The following SAMMSON variants were observed in gnomAD, a reference collection of about 807,000 sequenced individuals.
The protein encoded by SAMMSON is long intergenic non-protein coding RNA 1212.
chr3:70,015,949 A>C (rs908275522), intron 3 of SAMMSON, among the ~76,000 whole-genome samples: 88 of 152,220 alleles, frequency 5.8e-4, no homozygotes, highest in African/African-American at 1.8e-3. Context: ...ACATTTTCTT[A>C]ATCCAGTCTG....
At chr3:70,227,042 A>T (rs998098962) in intron 4 of SAMMSON, among the ~76,000 whole-genome samples, 2 of 152,190 alleles carry the variant, frequency 1.3e-5, no homozygotes, top group Non-Finnish European at 2.9e-5. Context: ...CTGGGAAAAT[A>T]TACCATATGC....
chr3:70,359,329 A>C (rs1702854034), intron 9 of SAMMSON, among the ~76,000 whole-genome samples: 1 of 152,204 alleles, frequency 6.6e-6, no homozygotes. Flanking sequence ...GCTGTGGTCA[A>C]GTGTTGATTT....
At chr3:70,166,256 G>A (rs62254818) in intron 4 of SAMMSON, among the ~76,000 whole-genome samples, 141,842 of 151,966 alleles carry the variant, frequency 0.93, 66,456 homozygotes, top group Non-Finnish European at 0.97. Flanking sequence ...AAATGTCCTG[G>A]TTATTAGAGT....
intron 3 of SAMMSON, among the ~76,000 whole-genome samples, chr3:70,034,037 A>C (rs777750465): frequency 2.6e-5 from 4 of 152,058 alleles, no homozygotes; most frequent in Non-Finnish European, 5.9e-5. Flanking sequence ...AGGGAGAAAA[A>C]ATGGAGCTAG....
intron 4 of SAMMSON, among the ~76,000 whole-genome samples, chr3:70,211,445 C>T (rs1271588550): frequency 8.5e-6 from 1 of 117,968 alleles, no homozygotes; most frequent in African/African-American, 3.2e-5. Context: ...CCTTCCCTTC[C>T]TTTCCCTTCC....
At chr3:70,102,453 A>T (rs1198227498) in intron 4 of SAMMSON, among the ~76,000 whole-genome samples, 3 of 152,122 alleles carry the variant, frequency 2.0e-5, no homozygotes, top group Non-Finnish European at 4.4e-5. Flanking sequence ...TTTTCTAGGG[A>T]CGTCTGGGAT....
chr3:70,201,536 CCT>C (rs1701239480), intron 4 of SAMMSON, among the ~76,000 whole-genome samples: 1 of 152,102 alleles, frequency 6.6e-6, no homozygotes, highest in South Asian at 2.1e-4. Context: ...TCCAGATCAC[CCT>C]GAGTTGAGTA....
intron 4 of SAMMSON, among the ~76,000 whole-genome samples, chr3:70,245,687 A>ATT (rs1701700285): frequency 7.5e-6 from 1 of 132,598 alleles, no homozygotes; most frequent in African/African-American, 2.8e-5. Context: ...ATATATATAT[A>ATT]TATATATATA....
At chr3:70,033,772 G>C (rs2107584490) in intron 3 of SAMMSON, among the ~76,000 whole-genome samples, 1 of 152,206 alleles carries the variant, frequency 6.6e-6, no homozygotes, top group African/African-American at 2.4e-5. Context: ...AATGGATTTG[G>C]GGACTACATG....
intron 3 of SAMMSON, among the ~76,000 whole-genome samples, chr3:70,036,654 C>G (rs907560063): frequency 1.3e-5 from 2 of 152,090 alleles, no homozygotes; most frequent in Non-Finnish European, 2.9e-5. Flanking sequence ...TGTGGGAGAA[C>G]CTGTCTCATA....
At chr3:70,370,908 A>C (rs1182234927) in intron 9 of SAMMSON, among the ~76,000 whole-genome samples, 2 of 151,934 alleles carry the variant, frequency 1.3e-5, no homozygotes, top group African/African-American at 2.4e-5. Context: ...TGCTCAGGGG[A>C]GTTTTCCCTA....
intron 3 of SAMMSON, among the ~76,000 whole-genome samples, chr3:70,067,933 C>T (rs1317639060): frequency 6.6e-6 from 1 of 151,946 alleles, no homozygotes; most frequent in East Asian, 1.9e-4. Flanking sequence ...TTTAAAATAA[C>T]CAACATGGAA....
chr3:70,088,005 G>A (rs975405091), intron 4 of SAMMSON, among the ~76,000 whole-genome samples: 14 of 152,242 alleles, frequency 9.2e-5, no homozygotes, highest in Admixed American at 5.9e-4. Flanking sequence ...GGAGAGCATT[G>A]CTTAAGGTGT....
At chr3:70,272,937 G>A (rs1352902043) in intron 6 of SAMMSON, among the ~76,000 whole-genome samples, 1 of 152,176 alleles carries the variant, frequency 6.6e-6, no homozygotes, top group East Asian at 1.9e-4. Flanking sequence ...AAAACCCTGA[G>A]GAGTCATTTA....
At chr3:70,223,569 G>T (rs1395888765) in intron 4 of SAMMSON, among the ~76,000 whole-genome samples, 1 of 152,140 alleles carries the variant, frequency 6.6e-6, no homozygotes, top group Non-Finnish European at 1.5e-5. Context: ...CACCAAAAAT[G>T]AGAACTTGAT....
intron 4 of SAMMSON, among the ~76,000 whole-genome samples, chr3:70,097,273 C>T (rs1251324488): frequency 6.6e-6 from 1 of 152,090 alleles, no homozygotes; most frequent in Non-Finnish European, 1.5e-5. Context: ...AGATGTGGGC[C>T]CTAGATGGCA....
intron 6 of SAMMSON, among the ~76,000 whole-genome samples, chr3:70,277,497 C>T (rs1041332572): frequency 2.0e-5 from 3 of 152,086 alleles, no homozygotes; most frequent in Non-Finnish European, 2.9e-5. Flanking sequence ...TTAGAATAAG[C>T]CATAAAAGCT....
At chr3:70,126,339 T>C (rs2067458905) in intron 4 of SAMMSON, 1 of 1,190,152 alleles carries the variant, frequency 8.4e-7, no homozygotes, top group East Asian at 2.5e-5. Flanking sequence ...GACTAAAGTA[T>C]GACCTAAAAG....
At chr3:70,425,148 G>A (rs1701351067) in intron 2 of SAMMSON, 1 of 152,198 alleles carries the variant, frequency 6.6e-6, no homozygotes, top group Non-Finnish European at 1.5e-5. Context: ...TCTGACCACT[G>A]TTTCCCAGTT....
Sources: allele counts gnomAD v4.1 joint callset (sites outside exome capture counted in the v4.1 genomes callset), GRCh38; gene constraint gnomAD v4.1.1; transcripts MANE v1.5; gene names NCBI Gene and HGNC (gene_info 2026-07-23, HGNC 2026-07-21).